HCK: variants seen among roughly 807,000 people sequenced by gnomAD.
HCK encodes HCK proto-oncogene, Src family tyrosine kinase.
In HCK, 40 loss-of-function variants were observed where a neutral mutation model predicts 70.4. The ratio of observed to expected loss-of-function variants is 0.57; its 90% confidence interval spans 0.44 to 0.74. The LOEUF (loss-of-function observed/expected upper bound fraction) is 0.74. HCK is among the 30% of genes least tolerant of loss of function. HCK has a pLI of 0.00. For missense variants in HCK, 568 were observed against 697.2 expected (o/e 0.81, Z 2.09); for synonymous variants, 245 against 263.2 (o/e 0.93, Z 0.67).
chr20:32,094,761 GAAGGAAAGAAAGAAAGAGAGAGAA>G (rs2045919540), intron 11 of HCK, among the ~76,000 whole-genome samples: 6 of 117,154 alleles, frequency 5.1e-5, no homozygotes, highest in South Asian at 2.9e-4. Context: ...AAGAAAGAAA[GAAGGAAAGAAAGAAAGAGAGAGAA>G]AGAGAAAGAA....
chr20:32,099,064 T>C lies in HCK; in HGVS notation c.1307T>C (p.Ile436Thr). 3.1e-6 allele frequency: 5 copies of C among 1,614,166 alleles called. No homozygotes were observed. Among genetic ancestry groups the C allele is most frequent in the Non-Finnish European group, 4.2e-6 (5 of 1,180,030 alleles). Residue 436 changes from isoleucine (I) to threonine (T), a missense_variant, in exon 12 of 13, where the codon ATC becomes ACC. Transcript: ENST00000375852. ...GCCATCAACTTTGGCTCCTTCACCATCAAGTCAGACGTCTGGTCCTTTGGT... is the reference window on the plus strand; with the variant it reads ...GCCATCAACTTTGGCTCCTTCACCACCAAGTCAGACGTCTGGTCCTTTGGT...
chr20:32,064,286 G>A (rs779034625), intron 1 of HCK, among the ~76,000 whole-genome samples: 3 of 152,160 alleles, frequency 2.0e-5, no homozygotes, highest in African/African-American at 4.8e-5. Context: ...GAGCCACCGC[G>A]CCCATCCACC....
chr20:32,076,284 T>C (rs1285034248), intron 5 of HCK, among the ~76,000 whole-genome samples: 1 of 152,068 alleles, frequency 6.6e-6, no homozygotes, highest in Non-Finnish European at 1.5e-5. Flanking sequence ...TGAAATATCA[T>C]GCCACTGCAC....
chr20:32,068,719 G>A (rs1010275268), intron 1 of HCK, among the ~76,000 whole-genome samples: 18 of 152,122 alleles, frequency 1.2e-4, no homozygotes, highest in Non-Finnish European at 8.8e-5. Flanking sequence ...AGGAGTTCAA[G>A]ACCAGCCTGA....
intron 5 of HCK, among the ~76,000 whole-genome samples, chr20:32,077,833 C>T (rs6119761): frequency 0.1 from 15,354 of 151,768 alleles, 1,106 homozygotes; most frequent in African/African-American, 0.2. Context: ...CACCTCCTTC[C>T]TTTTTATACC....
intron 1 of HCK, among the ~76,000 whole-genome samples, chr20:32,070,918 G>A (rs902349172): frequency 6.9e-6 from 1 of 145,558 alleles, no homozygotes; most frequent in Non-Finnish European, 1.5e-5. Context: ...GACAGAGGAG[G>A]GGGAAGGAGG....
intron 5 of HCK, among the ~76,000 whole-genome samples, chr20:32,076,567 T>C (rs116085060): frequency 0.02 from 3,064 of 152,108 alleles, 79 homozygotes; most frequent in African/African-American, 0.059. Flanking sequence ...AAACGCAGGG[T>C]GTAGACAACA....
rs948258495 is a variant in HCK at position 32,052,800 on chromosome 20, T to C, written c.62+314T>C. Among the ~76,000 whole-genome samples, 4 of 115,288 alleles carry C rather than the reference T, an allele frequency of 3.5e-5. 1 individual carries two copies. The highest frequency in any genetic ancestry group is 7.9e-5 in the Non-Finnish European group (4 of 50,678). 75.6% of individuals were successfully genotyped at this position (115,288 alleles called of 152,430 possible). A position where few individuals can be genotyped will look rare whatever the true frequency, so the allele number is the denominator to read the frequency against. On this transcript the variant is annotated intron_variant, in intron 1 of 12. Transcript: ENST00000375852. ...CCCTTCTTGGGGGGGGGCGGGGATT[T>C]TTTTTTTAATTTAAAAAAGAAAAAG...
chr20:32,092,635 C>T (rs2045879695), intron 10 of HCK, among the ~76,000 whole-genome samples: 1 of 152,014 alleles, frequency 6.6e-6, no homozygotes, highest in Admixed American at 6.6e-5. Flanking sequence ...GAATAAAATC[C>T]ACCCTCCTCT....
intron 5 of HCK, among the ~76,000 whole-genome samples, chr20:32,079,570 TA>T (rs1487237814): frequency 6.6e-6 from 1 of 152,218 alleles, no homozygotes; most frequent in Admixed American, 6.5e-5. Context: ...TCACTTCGGG[TA>T]AAATGTCTAT....
intron 10 of HCK, among the ~76,000 whole-genome samples, chr20:32,092,207 T>A (rs2045874331): frequency 6.6e-6 from 1 of 151,898 alleles, no homozygotes; most frequent in African/African-American, 2.4e-5. Flanking sequence ...AGCACTGGAG[T>A]GCTGGGTTAT....
intron 10 of HCK, 59 bp from the exon 11 acceptor site, chr20:32,093,804 T>C (rs1307907783): frequency 1.3e-6 from 2 of 1,514,250 alleles, no homozygotes; most frequent in Non-Finnish European, 1.8e-6. Flanking sequence ...TGCTTTTGGG[T>C]GGGGCCATCT....
At position 32,088,580 on chromosome 20, in the gene HCK, A is replaced by G. The variant is rs1279351629; in HGVS notation, c.1028A>G (p.Asp343Gly). The change falls in exon 10 of 13, where the codon GAC becomes GGC. Residue 343 changes from aspartate to glycine, a missense_variant. By Grantham distance (94) the Asp-to-Gly change is moderately conservative. Transcript: ENST00000375852. ...CTCCCCCATATAGGAAGCTTGCTGG[A>G]CTTTCTGAAAAGTGATGAGGGCAGC... The G allele has an allele frequency of 5.6e-6, 9 of 1,613,566 alleles. No individual in the cohort carries two copies. Among genetic ancestry groups the G allele is most frequent in the Non-Finnish European group, 7.6e-6 (9 of 1,179,904 alleles).
chr20:32,054,785 C>G (rs1280805188), intron 1 of HCK, among the ~76,000 whole-genome samples: 2 of 152,142 alleles, frequency 1.3e-5, no homozygotes, highest in Admixed American at 1.3e-4. Flanking sequence ...TAGCCTGGGC[C>G]ACAGAGCGAG....
intron 10 of HCK, among the ~76,000 whole-genome samples, chr20:32,093,651 A>C (rs11697159): frequency 0.02 from 3,028 of 152,188 alleles, 49 homozygotes; most frequent in Middle Eastern, 0.044. Flanking sequence ...GAATCCCCCA[A>C]ACTGGCCCAG....
intron 8 of HCK, 119 bp from the exon 9 acceptor site, chr20:32,086,509 A>T: frequency 1.2e-6 from 1 of 810,206 alleles, no homozygotes; most frequent in Non-Finnish European, 1.9e-6. Context: ...TCCCTCTCTG[A>T]GAGTTGAGAT....
In HCK at chr20:32,073,757, G is replaced by A. The variant is rs745558831; in HGVS notation, c.268G>A (p.Glu90Lys). ...CATCGTGGTTGCCCTGTATGATTAC[G>A]AGGCCATTCACCACGAAGACCTCAG... The change falls in exon 4 of 13, where the codon GAG (glutamate) becomes AAG (lysine). Residue 90 changes from glutamate (E) to lysine (K), a missense_variant. Transcript: ENST00000375852. The A allele has an allele frequency of 3.1e-5, 48 of 1,558,018 alleles. No homozygotes were observed. The highest frequency in any genetic ancestry group is 1.7e-4 in the Middle Eastern group (1 of 6,020).
At chr20:32,067,531 CTT>C (rs11482239) in intron 1 of HCK, among the ~76,000 whole-genome samples, 55 of 110,344 alleles carry the variant, frequency 5.0e-4, no homozygotes, top group Non-Finnish European at 7.2e-4. Context: ...GATGCTTTTA[CTT>C]TTTTTTTTTT....
intron 1 of HCK, among the ~76,000 whole-genome samples, chr20:32,055,696 A>G (rs571824525): frequency 6.6e-6 from 1 of 152,324 alleles, no homozygotes; most frequent in East Asian, 1.9e-4. Flanking sequence ...AAAATTAACT[A>G]TATGATTTTT....
Sources: allele counts gnomAD v4.1 joint callset (sites outside exome capture counted in the v4.1 genomes callset), GRCh38; gene constraint gnomAD v4.1.1; transcripts MANE v1.5; gene names NCBI Gene and HGNC (gene_info 2026-07-23, HGNC 2026-07-21).